NOP9: variants seen among roughly 807,000 people sequenced by gnomAD.
NOP9 encodes the protein nucleolar protein 9.
Under a neutral mutation model 63.0 loss-of-function variants are expected in NOP9, and 50 were observed. That is an observed-to-expected ratio of 0.79 (90% CI 0.63 to 1.00). The LOEUF is 1.00. NOP9 is among the 50% of genes least tolerant of loss of function. The pLI is 0.00. For missense variants in NOP9, 758 were observed against 803.0 expected (o/e 0.94, Z 0.68); for synonymous variants, 343 against 332.8 (o/e 1.03, Z -0.33).
chr14:24,300,580 A>C lies in NOP9; in HGVS notation c.420A>C (p.Arg140=), dbSNP rs986249784. The change falls in exon 2 of 10, where the codon CGA becomes CGC. Residue 140 remains arginine, a synonymous_variant. Coordinates refer to ENST00000267425, the MANE Select transcript of NOP9 (RefSeq NM_174913.3). ...RSNLRTVACH[R]CGVHVLQSAL... is the part of the protein sequence containing the mutation. The stretch of plus-strand genomic sequence containing the variant: ...ACTTGCGCACTGTGGCCTGTCACCG[A>C]TGCGGGGTCCATGTATTACAAAGTG... 6.2e-7 allele frequency: 1 copy of C among 1,614,038 alleles called. No homozygotes were observed. Among genetic ancestry groups the C allele is most frequent in the African/African-American group, 1.3e-5 (1 of 74,888 alleles).
chr14:24,297,936 A>T (rs12887789), upstream of NOP9, among the ~76,000 whole-genome samples: 60,653 of 151,778 alleles, frequency 0.4, 13,239 homozygotes, highest in Middle Eastern at 0.59. Flanking sequence ...GCTCCCCAAC[A>T]CCCCTAGAGT....
At chr14:24,290,860 T>C in the NOP9 span, 1 of 1,613,504 alleles carries the variant, frequency 6.2e-7, no homozygotes, top group Non-Finnish European at 8.5e-7. Context: ...CCAGGAGGGT[T>C]AGAACTTGCT....
chr14:24,296,884 G>A, upstream of NOP9: 1 of 1,614,200 alleles, frequency 6.2e-7, no homozygotes, highest in Non-Finnish European at 8.5e-7. Flanking sequence ...GATTGTGCCT[G>A]GAGTAGGACA....
In NOP9 at chr14:24,300,565, T is replaced by C; in HGVS notation, c.405T>C (p.Thr135=). 1 of 1,614,228 alleles carries C rather than the reference T, an allele frequency of 6.2e-7. No homozygotes were observed. The highest frequency in any genetic ancestry group is 8.5e-7 in the Non-Finnish European group (1 of 1,180,042). The part of the protein sequence containing the change: ...VWAALRSNLR[T]VACHRCGVHV... ...CTGCTCTGCGCTCTAACTTGCGCAC[T>C]GTGGCCTGTCACCGATGCGGGGTCC... The change falls in exon 2 of 10, where the codon ACT becomes ACC. Residue 135 remains threonine, a synonymous_variant. Coordinates refer to ENST00000267425, the MANE Select transcript of NOP9 (RefSeq NM_174913.3).
At chr14:24,289,726 A>C in the NOP9 span, among the ~76,000 whole-genome samples, 1 of 152,232 alleles carries the variant, frequency 6.6e-6, no homozygotes, top group African/African-American at 2.4e-5. Flanking sequence ...GTGGACTTTC[A>C]TGGGACATGT....
chr14:24,304,111 T>C lies in NOP9; in HGVS notation c.1481T>C (p.Leu494Pro), dbSNP rs887073223. 1.2e-6 allele frequency: 2 copies of C among 1,614,146 alleles called. No individual in the cohort carries two copies. Among genetic ancestry groups the C allele is most frequent in the Non-Finnish European group, 1.7e-6 (2 of 1,180,050 alleles). The change falls in exon 8 of 10, where the codon CTG becomes CCG. Residue 494 changes from leucine (L) to proline (P), a missense_variant. Leu to Pro is a moderately conservative substitution (Grantham distance 98). Coordinates refer to ENST00000267425, the MANE Select transcript of NOP9 (RefSeq NM_174913.3). ...VLGSLLLQHL[L>P]HFSTPGLVLR... is the part of the protein sequence containing the mutation. ...GGGTCTCTACTGCTCCAGCATCTGC[T>C]GCACTTCTCCACTCCTGGTCTTGTA...
At position 24,305,025 on chromosome 14, in the gene NOP9, A is replaced by G; in HGVS notation, c.1841A>G (p.Glu614Gly). Residue 614 changes from glutamate (E) to glycine (G), a missense_variant, in exon 10 of 10, where the codon GAG (glutamate) becomes GGG (glycine). Coordinates refer to ENST00000267425, the MANE Select transcript of NOP9 (RefSeq NM_174913.3). Reference sequence around the variant, plus strand: ...TTGACTACCTTCCTAAAGCGGCGAGAGGCTTGGGAACAGCAGCAGGGTGCG... The same window carrying G: ...TTGACTACCTTCCTAAAGCGGCGAGGGGCTTGGGAACAGCAGCAGGGTGCG... ...VALTTFLKRR[E>G]AWEQQQGAVA... The G allele has an allele frequency of 6.2e-7, 1 of 1,606,986 alleles. No homozygotes were observed. Among genetic ancestry groups the G allele is most frequent in the Non-Finnish European group, 8.5e-7 (1 of 1,177,000 alleles).
upstream of NOP9, among the ~76,000 whole-genome samples, chr14:24,295,280 A>G (rs556753766): frequency 4.6e-5 from 7 of 152,368 alleles, no homozygotes; most frequent in Admixed American, 2.6e-4. Flanking sequence ...CACTGAGGGG[A>G]ATAAGATTAT....
the NOP9 span, among the ~76,000 whole-genome samples, chr14:24,286,147 G>T: frequency 6.6e-6 from 1 of 152,272 alleles, no homozygotes; most frequent in Non-Finnish European, 1.5e-5. Context: ...TCAGTGCTAC[G>T]TCTGGCACAC....
chr14:24,304,184 C>G lies in NOP9; in HGVS notation c.1554C>G (p.Ala518=), dbSNP rs760697652. ...CGGGACCACAGCTTCTGTCCCTTGCCCAAAGTCCCGCTGGCTCTCATGTGC... is the reference window on the plus strand; with the variant it reads ...CGGGACCACAGCTTCTGTCCCTTGCGCAAAGTCCCGCTGGCTCTCATGTGC... ...ALTGPQLLSL[A]QSPAGSHVLD... Residue 518 remains alanine, a synonymous_variant, in exon 8 of 10, where the codon GCC becomes GCG. Transcript: ENST00000267425. 2 of 1,614,100 alleles carry G rather than the reference C, an allele frequency of 1.2e-6. No individual in the cohort carries two copies. Among genetic ancestry groups the G allele is most frequent in the Non-Finnish European group, 8.5e-7 (1 of 1,180,050 alleles).
At chr14:24,298,825 C>T, upstream of NOP9, 1 of 1,126,668 alleles carries the variant, frequency 8.9e-7, no homozygotes. Context: ...TTTTTAATTT[C>T]CACTTTGAAT....
chr14:24,284,647 G>A, the NOP9 span, among the ~76,000 whole-genome samples: 1 of 152,164 alleles, frequency 6.6e-6, no homozygotes, highest in Non-Finnish European at 1.5e-5. Flanking sequence ...GCTCTCCCTA[G>A]GGATGGGGAG....
At chr14:24,287,996 C>A in the NOP9 span, among the ~76,000 whole-genome samples, 1 of 152,354 alleles carries the variant, frequency 6.6e-6, no homozygotes, top group African/African-American at 2.4e-5. Context: ...TCAAAAGTGA[C>A]TGTTCATGTG....
At chr14:24,293,058 C>T in the NOP9 span, 1 of 422,226 alleles carries the variant, frequency 2.4e-6, no homozygotes, top group Non-Finnish European at 4.2e-6. Flanking sequence ...CAAAATTGTT[C>T]AGGGGGAGAA....
chr14:24,284,168 A>G, the NOP9 span, among the ~76,000 whole-genome samples: 1 of 152,186 alleles, frequency 6.6e-6, no homozygotes, highest in Non-Finnish European at 1.5e-5. Context: ...GGAAGGTGAA[A>G]CCTGGATGAA....
chr14:24,303,826 A>AG lies in NOP9; in HGVS notation c.1381dup (p.Glu461GlyfsTer98), dbSNP rs766205100. On this transcript the variant is annotated frameshift_variant, in exon 7 of 10. Transcript: ENST00000267425. LOFTEE classifies it high-confidence loss of function. ...TATGAGGTGTACTATGGACTGACGG[A>AG]GGAGGAGGGGGCAGTGCCTGCAGAG... 19 of 1,613,936 alleles carry AG rather than the reference A, an allele frequency of 1.2e-5. No individual in the cohort carries two copies. The highest frequency in any genetic ancestry group is 1.4e-5 in the Non-Finnish European group (16 of 1,179,982).
the NOP9 span, among the ~76,000 whole-genome samples, chr14:24,279,646 C>G: frequency 1.3e-5 from 2 of 152,184 alleles, no homozygotes; most frequent in African/African-American, 2.4e-5. Flanking sequence ...ACTTCTTGAG[C>G]CAGCCAGAAC....
Position 24,299,987 on chromosome 14 carries a change from G to A in NOP9, c.33G>A (p.Val11=). The A allele has an allele frequency of 1.3e-6, 2 of 1,593,878 alleles. No individual in the cohort carries two copies. Among genetic ancestry groups the A allele is most frequent in the Non-Finnish European group, 1.7e-6 (2 of 1,169,848 alleles). ...AGGGTCCGCGCTCTCCACACAAGGT[G>A]GGGCGCCGGTTCCCAGCTGGTGGCA... MGQGPRSPHK[V]GRRFPAGGKR... The change falls in exon 1 of 10, where the codon GTG becomes GTA. Residue 11 remains valine, a synonymous_variant. Coordinates refer to ENST00000267425, the MANE Select transcript of NOP9 (RefSeq NM_174913.3).
intron 8 of NOP9, 71 bp downstream of exon 8, chr14:24,304,348 G>GT: frequency 1.4e-6 from 2 of 1,399,662 alleles, no homozygotes; most frequent in Non-Finnish European, 2.0e-6. Flanking sequence ...TCCCTGGACT[G>GT]TACCTTCAGA....
Sources: gnomAD v4.1 joint callset for allele counts (sites outside exome capture counted in the v4.1 genomes callset) on GRCh38, gnomAD v4.1.1 for gene constraint, MANE v1.5 for transcripts, NCBI Gene and HGNC (gene_info 2026-07-23, HGNC 2026-07-21) for gene names.